The following COX20 variants were observed in gnomAD, a reference collection of about 807,000 sequenced individuals.
COX20 encodes cytochrome c oxidase assembly protein COX20, mitochondrial.
In COX20, 14 loss-of-function variants were observed where a neutral mutation model predicts 14.3. The observed-to-expected ratio is 0.98, with a 90% CI of 0.65 to 1.53. The LOEUF is 1.53. Ranked by LOEUF, COX20 falls within the 40% of genes most tolerant of loss-of-function variation. The probability of loss-of-function intolerance (pLI) is 0.00; values close to 1 mark genes in which losing one functional copy is unlikely to be tolerated. For missense variants in COX20, 149 were observed against 142.1 expected, an observed-to-expected ratio of 1.05 and a Z score of -0.25; for synonymous variants, 56 against 51.7, an observed-to-expected ratio of 1.08 and a Z score of -0.36.
intron 1 of COX20, 67 bp downstream of exon 1, chr1:244,835,823 T>C (rs2102968075): frequency 1.7e-6 from 2 of 1,154,034 alleles, no homozygotes; most frequent in Middle Eastern, 2.2e-4. Flanking sequence ...TCCGCGGAGC[T>C]CCTAGGCCCG....
chr1:244,843,054 T>A lies in COX20; in HGVS notation c.235T>A (p.Tyr79Asn). The A allele has an allele frequency of 6.4e-7, 1 of 1,572,006 alleles. No individual in the cohort carries two copies. Among genetic ancestry groups the A allele is most frequent in the South Asian group, 1.2e-5 (1 of 85,192 alleles). Residue 79 changes from tyrosine (Y) to asparagine (N), a missense_variant, in exon 4 of 4, where the codon TAT becomes AAT. Transcript: ENST00000411948. Reference protein sequence around the residue: ...VTLGCWFHCRYNYAKQRIQER... With the variant: ...VTLGCWFHCRNNYAKQRIQER... ...TTTTCTTCTAAGGTTTCATTGTAGG[T>A]ATAATTATGCAAAGCAAAGAATCCA...
At chr1:244,836,624 C>G (rs1310488658) in intron 1 of COX20, 5 of 1,066,142 alleles carry the variant, frequency 4.7e-6, no homozygotes, top group Non-Finnish European at 6.8e-6. Context: ...AAGAATAATG[C>G]AAGAGGAAAA....
chr1:244,835,799 G>A (rs1573306658), intron 1 of COX20, 43 bp downstream of exon 1: 8 of 1,234,042 alleles, frequency 6.5e-6, no homozygotes, highest in Admixed American at 8.4e-5. Flanking sequence ...GGTGGGCGGT[G>A]GGTAAGGACG....
At chr1:244,841,449 C>A in intron 1 of COX20, 1 of 154,758 alleles carries the variant, frequency 6.5e-6, no homozygotes, top group Non-Finnish European at 1.4e-5. Flanking sequence ...CTCTTACAAC[C>A]ACAGTTGATG....
At chr1:244,835,825 C>T (rs1012649018) in intron 1 of COX20, 69 bp downstream of exon 1, 261 of 1,144,198 alleles carry the variant, frequency 2.3e-4, no homozygotes, top group Non-Finnish European at 2.7e-4. Context: ...CGCGGAGCTC[C>T]TAGGCCCGGA....
In COX20 at chr1:244,843,046, A is replaced by C. The variant is rs751606534; in HGVS notation, c.227A>C (p.His76Pro). 1.3e-6 allele frequency: 2 copies of C among 1,552,594 alleles called. No individual in the cohort carries two copies. The highest frequency in any genetic ancestry group is 1.7e-6 in the Non-Finnish European group (2 of 1,151,894). Reference protein sequence around the residue: ...FILVTLGCWFHCRYNYAKQRI... With the variant: ...FILVTLGCWFPCRYNYAKQRI... ...TCATATTCTTTTCTTCTAAGGTTTC[A>C]TTGTAGGTATAATTATGCAAAGCAA... is the stretch of plus-strand genomic sequence containing the variant. Residue 76 changes from histidine (H) to proline (P), a missense_variant, in exon 4 of 4, where the codon CAT becomes CCT. Physicochemically the swap from His to Pro is moderately conservative, Grantham distance 77 (BLOSUM62 -2). Transcript: ENST00000411948.
chr1:244,840,217 C>A (rs1049063909), intron 1 of COX20: 6 of 152,094 alleles, frequency 3.9e-5, no homozygotes, highest in Non-Finnish European at 1.5e-5. Flanking sequence ...AAAAAACCAC[C>A]TAGAGTTTTC....
At chr1:244,840,615 A>AG (rs1396677255) in intron 1 of COX20, 1 of 143,102 alleles carries the variant, frequency 7.0e-6, no homozygotes, top group Non-Finnish European at 1.5e-5. Context: ...GGCCAGACAG[A>AG]GGGAAAAAAT....
Position 244,835,753 on chromosome 1 carries a change from GA to G in COX20, c.41del (p.Lys14SerfsTer6). 2 of 1,265,834 alleles carry G rather than the reference GA, an allele frequency of 1.6e-6. No individual in the cohort carries two copies. The highest frequency in any genetic ancestry group is 2.9e-5 in the South Asian group (1 of 33,944). The allele number at this position is 1,265,834 out of a possible 1,614,324, so 78.4% of individuals were successfully genotyped here. On this transcript the variant is annotated frameshift_variant and splice_region_variant, in exon 1 of 4. Transcript: ENST00000411948. LOFTEE classifies it high-confidence loss of function. ...PPEPGEPEER[K>X]SLKLLGFLDV... is the part of the protein sequence containing the mutation. The stretch of plus-strand genomic sequence containing the variant: ...CGGAGCCCGGTGAGCCCGAGGAGAG[GA>G]AGGTAACCTGGGGGTCGGCGGGGCG...
In COX20 at chr1:244,844,815, C is replaced by T. The variant is rs1680363852; in HGVS notation, c.*1639C>T. On this transcript the variant is annotated 3_prime_UTR_variant, in exon 4 of 4. Coordinates refer to ENST00000411948, the MANE Select transcript of COX20 (RefSeq NM_198076.6). ...TGTTCAACCATGTTTTCAGAGGCCG[C>T]ACTGCATGAATGCGGGAAAATGTTG... is the stretch of plus-strand genomic sequence containing the variant. 3 of 151,952 alleles carry T rather than the reference C, an allele frequency of 2.0e-5. No homozygotes were observed. The highest frequency in any genetic ancestry group is 7.2e-5 in the African/African-American group (3 of 41,428). The allele number at this position is 151,952 out of a possible 1,614,324, so 9.4% of individuals were successfully genotyped here.
intron 1 of COX20, among the ~76,000 whole-genome samples, chr1:244,839,439 CTTAA>C (rs1239855101): frequency 6.6e-6 from 1 of 152,062 alleles, no homozygotes; most frequent in East Asian, 1.9e-4. Context: ...CTGACATTTC[CTTAA>C]TTTATTTTTA....
chr1:244,837,902 T>C (rs531627739), intron 1 of COX20, among the ~76,000 whole-genome samples: 1 of 152,306 alleles, frequency 6.6e-6, no homozygotes, highest in Non-Finnish European at 1.5e-5. Context: ...ATTCTGAGCA[T>C]AATCGGAGGC....
chr1:244,835,664 G>A lies in COX20; in HGVS notation c.-51G>A, dbSNP rs1398780336. 1.1e-5 allele frequency: 13 copies of A among 1,232,652 alleles called. No individual in the cohort carries two copies. The highest frequency in any genetic ancestry group is 1.1e-5 in the Non-Finnish European group (11 of 986,176). 76.4% of individuals were successfully genotyped at this position (1,232,652 alleles called of 1,614,324 possible). A position where few individuals can be genotyped will look rare whatever the true frequency, so the allele number is the denominator to read the frequency against. On this transcript the variant is annotated 5_prime_UTR_variant, in exon 1 of 4. Transcript: ENST00000411948. ...GAGGGGCGCGGCCAGCCGGGCTTCT[G>A]CTTCCGCGACCCCGGCGGTGCAGGG...
At chr1:244,840,033 T>C (rs1680133021) in intron 1 of COX20, 1 of 152,360 alleles carries the variant, frequency 6.6e-6, no homozygotes, top group South Asian at 2.1e-4. Context: ...ACCAGAGTTT[T>C]GTTGGGGATT....
At chr1:244,842,974 G>A in intron 3 of COX20, 67 bp from the exon 4 acceptor site, 1 of 1,221,682 alleles carries the variant, frequency 8.2e-7, no homozygotes, top group Admixed American at 3.3e-5. Flanking sequence ...GTGATTTAGA[G>A]AAATTTCATA....
chr1:244,835,552 A>T (rs1008560462), upstream of COX20: 6 of 438,312 alleles, frequency 1.4e-5, no homozygotes, highest in African/African-American at 1.2e-4. Flanking sequence ...CCGTGCGGCC[A>T]CTGCGGAGCG....
intron 3 of COX20, 90 bp downstream of exon 3, chr1:244,842,348 T>G (rs915032526): frequency 2.0e-5 from 17 of 863,568 alleles, no homozygotes; most frequent in Non-Finnish European, 3.2e-5. Flanking sequence ...AGTCTCCCAT[T>G]GGGAGATCCT....
At chr1:244,842,520 T>G in intron 3 of COX20, 2 of 436,622 alleles carry the variant, frequency 4.6e-6, no homozygotes, top group African/African-American at 3.9e-5. Flanking sequence ...AATACTTATT[T>G]CATCCCTGCT....
chr1:244,843,909 C>T lies in COX20; in HGVS notation c.*733C>T, dbSNP rs1273368074. 2.0e-5 allele frequency: 3 copies of T among 152,092 alleles called. No individual in the cohort carries two copies. The highest frequency in any genetic ancestry group is 7.2e-5 in the African/African-American group (3 of 41,398). 9.4% of individuals were successfully genotyped at this position (152,092 alleles called of 1,614,324 possible). A position where few individuals can be genotyped will look rare whatever the true frequency, so the allele number is the denominator to read the frequency against. ...TAAAATATTATTTAAAATACAATAC[C>T]CACAGCATCTAACTAAATCCTCAGG... On this transcript the variant is annotated 3_prime_UTR_variant, in exon 4 of 4. Transcript: ENST00000411948.
Sources: allele counts gnomAD v4.1 joint callset (sites outside exome capture counted in the v4.1 genomes callset), GRCh38; gene constraint gnomAD v4.1.1; transcripts MANE v1.5; gene names NCBI Gene and HGNC (gene_info 2026-07-23, HGNC 2026-07-21).